Variants in ATP8B1 observed in about 807,000 individuals in gnomAD.
ATP8B1 encodes the protein ATPase phospholipid transporting 8B1.
ATP8B1 carries 80 observed loss-of-function variants against 149.9 expected under a neutral mutation model. That is an observed-to-expected ratio of 0.53 (90% CI 0.45 to 0.64). The LOEUF is 0.64. Ranked by LOEUF, ATP8B1 falls within the 30% of genes least tolerant of loss-of-function variation. ATP8B1 has a pLI of 0.00. For synonymous variants in ATP8B1, 536 were observed against 562.8 expected, an observed-to-expected ratio of 0.95 and a Z score of 0.67; for missense variants, 1,247 against 1,552.6, an observed-to-expected ratio of 0.80 and a Z score of 3.31.
At chr18:57,682,759 C>T (rs1912043160) in intron 15 of ATP8B1, among the ~76,000 whole-genome samples, 1 of 152,092 alleles carries the variant, frequency 6.6e-6, no homozygotes, top group African/African-American at 2.4e-5. Context: ...TGCTTCATTG[C>T]AATATTAGAT....
chr18:57,789,600 C>T (rs2080441757), intron 1 of ATP8B1, among the ~76,000 whole-genome samples: 1 of 152,134 alleles, frequency 6.6e-6, no homozygotes. Context: ...ACAAGAAATT[C>T]CCTGGCTTTA....
chr18:57,739,819 C>A (rs924909210), intron 1 of ATP8B1, among the ~76,000 whole-genome samples: 6 of 152,170 alleles, frequency 3.9e-5, no homozygotes, highest in Non-Finnish European at 8.8e-5. Flanking sequence ...TTACCATGTA[C>A]GCAAAACCAA....
intron 20 of ATP8B1, among the ~76,000 whole-genome samples, chr18:57,663,761 A>ATTTTTTTTTTTT (rs10598900): frequency 2.1e-5 from 2 of 97,462 alleles, no homozygotes; most frequent in Non-Finnish European, 3.8e-5. Flanking sequence ...TGCTTTGCCC[A>ATTTTTTTTTTTT]TTTTTTTTTT....
intron 2 of ATP8B1, among the ~76,000 whole-genome samples, chr18:57,722,345 C>T (rs996256051): frequency 5.4e-5 from 8 of 148,926 alleles, no homozygotes; most frequent in South Asian, 2.2e-4. Flanking sequence ...ATTGATAGAC[C>T]GCTAGCAAGA....
At chr18:57,732,179 G>GTATATATA (rs1568044060) in intron 1 of ATP8B1, among the ~76,000 whole-genome samples, 1 of 44,840 alleles carries the variant, frequency 2.2e-5, no homozygotes, top group African/African-American at 8.0e-5. Context: ...ATGTATATAT[G>GTATATATA]TGTATATATG....
At chr18:57,789,401 T>G (rs1196243266) in intron 1 of ATP8B1, among the ~76,000 whole-genome samples, 1 of 152,160 alleles carries the variant, frequency 6.6e-6, no homozygotes, top group African/African-American at 2.4e-5. Flanking sequence ...AAGTTATAAT[T>G]CCTTTGCTTG....
chr18:57,719,305 G>C (rs1367944145), intron 2 of ATP8B1, among the ~76,000 whole-genome samples: 1 of 152,220 alleles, frequency 6.6e-6, no homozygotes, highest in Non-Finnish European at 1.5e-5. Context: ...CCCAGCGTGA[G>C]AGACACAGAA....
intron 26 of ATP8B1, 43 bp downstream of exon 26, chr18:57,651,991 A>G (rs746306002): frequency 6.3e-7 from 1 of 1,588,314 alleles, no homozygotes; most frequent in East Asian, 2.2e-5. Flanking sequence ...TAAACTAATG[A>G]CATTTGTCTG....
At chr18:57,790,292 C>A (rs1258925782) in intron 1 of ATP8B1, among the ~76,000 whole-genome samples, 4 of 152,010 alleles carry the variant, frequency 2.6e-5, no homozygotes, top group Non-Finnish European at 5.9e-5. Context: ...CTTCTGGCCT[C>A]ATTCCCTGCC....
intron 1 of ATP8B1, among the ~76,000 whole-genome samples, chr18:57,763,302 G>A (rs79081264): frequency 0.024 from 3,726 of 152,142 alleles, 155 homozygotes; most frequent in African/African-American, 0.084. Flanking sequence ...TAAGGCAGGA[G>A]ATTCGCTTGA....
rs768252505 is a variant in ATP8B1, at chr18:57,661,409, C to A, written c.2472G>T (p.Lys824Asn). Reference protein sequence around the residue: ...KTKRNKILKLKFPRTEEERRM... With the variant: ...KTKRNKILKLNFPRTEEERRM... ...GTCTTTCTTCTTCTGTTCTTGGGAA[C>A]TTCAGCTTCAGAATCTTATTTCTCT... The change falls in exon 22 of 28, where the codon AAG becomes AAT. Residue 824 changes from lysine to asparagine, a missense_variant. Lys to Asn is a moderately conservative substitution (Grantham distance 94, BLOSUM62 0). Coordinates refer to ENST00000648908, the MANE Select transcript of ATP8B1 (RefSeq NM_001374385.1). 5 of 1,613,760 alleles carry A rather than the reference C, an allele frequency of 3.1e-6. No homozygotes were observed. The Admixed American group carries it at 8.3e-5, about 27-fold the overall frequency.
At chr18:57,658,281 C>T (rs1033545356) in intron 22 of ATP8B1, among the ~76,000 whole-genome samples, 1 of 152,202 alleles carries the variant, frequency 6.6e-6, no homozygotes, top group African/African-American at 2.4e-5. Context: ...AACTCCCAAC[C>T]TCAGGTGATC....
At chr18:57,756,029 T>C (rs9947289) in intron 1 of ATP8B1, among the ~76,000 whole-genome samples, 10,936 of 151,560 alleles carry the variant, frequency 0.072, 664 homozygotes, top group East Asian at 0.25. Flanking sequence ...ATTATCAACT[T>C]CAGACAATTT....
chr18:57,674,693 C>A, intron 16 of ATP8B1, 141 bp downstream of exon 16: 1 of 985,918 alleles, frequency 1.0e-6, no homozygotes, highest in Non-Finnish European at 1.5e-6. Context: ...GCCAACAATA[C>A]CAGTTTCAGT....
At chr18:57,715,330 G>T (rs2079573838) in intron 2 of ATP8B1, among the ~76,000 whole-genome samples, 1 of 151,604 alleles carries the variant, frequency 6.6e-6, no homozygotes. Context: ...GGAGACAGAA[G>T]AAAAAAGAAT....
At chr18:57,693,190 T>A (rs319447) in intron 11 of ATP8B1, among the ~76,000 whole-genome samples, 112,010 of 152,158 alleles carry the variant, frequency 0.74, 44,164 homozygotes, top group Admixed American at 0.87. Flanking sequence ...AAGAATAAGT[T>A]TTAGAAGTAT....
At position 57,648,729 on chromosome 18, in the gene ATP8B1, T is replaced by A. The variant is rs748633546; in HGVS notation, c.3532-17A>T. The stretch of plus-strand genomic sequence containing the variant: ...CTTCTGGATCTGCAAGGGGGAGAGA[T>A]GGGGAGGGATGAAAATAAGATCCAC... On this transcript the variant is annotated splice_polypyrimidine_tract_variant and intron_variant, in intron 27 of 27. Coordinates refer to ENST00000648908, the MANE Select transcript of ATP8B1 (RefSeq NM_001374385.1). 1.7e-5 allele frequency: 26 copies of A among 1,547,410 alleles called. No homozygotes were observed. The highest frequency in any genetic ancestry group is 2.3e-5 in the Non-Finnish European group (26 of 1,145,848).
intron 15 of ATP8B1, among the ~76,000 whole-genome samples, chr18:57,681,662 G>T (rs539113313): frequency 1.3e-5 from 2 of 151,950 alleles, no homozygotes; most frequent in Non-Finnish European, 2.9e-5. Flanking sequence ...TTAGCTGGGC[G>T]TGGTGGTGGG....
At chr18:57,756,578 G>A (rs559762126) in intron 1 of ATP8B1, among the ~76,000 whole-genome samples, 24 of 152,090 alleles carry the variant, frequency 1.6e-4, no homozygotes, top group Non-Finnish European at 8.8e-5. Flanking sequence ...GATTACAGGC[G>A]TGAGCCACTG....
Sources: gnomAD v4.1 joint callset for allele counts (sites outside exome capture counted in the v4.1 genomes callset) on GRCh38, gnomAD v4.1.1 for gene constraint, MANE v1.5 for transcripts, NCBI Gene and HGNC (gene_info 2026-07-23, HGNC 2026-07-21) for gene names.